Variants in TRERF1 observed in about 807,000 individuals in gnomAD.
TRERF1 encodes the protein transcriptional regulating factor 1, also known as transcriptional-regulating factor 1.
TRERF1 carries 27 observed loss-of-function variants against 122.9 expected under a neutral mutation model. The observed-to-expected ratio is 0.22, with a 90% CI of 0.16 to 0.30. The LOEUF (loss-of-function observed/expected upper bound fraction) is 0.30. Ranked by LOEUF, TRERF1 falls within the 10% of genes least tolerant of loss-of-function variation. TRERF1 has a pLI of 1.00. For synonymous variants in TRERF1, 636 were observed against 641.7 expected, an observed-to-expected ratio of 0.99 and a Z score of 0.13; for missense variants, 1,248 against 1,560.3, an observed-to-expected ratio of 0.80 and a Z score of 3.37.
intron 2 of TRERF1, among the ~76,000 whole-genome samples, chr6:42,377,157 T>A (rs567980552): frequency 6.6e-6 from 1 of 152,352 alleles, no homozygotes; most frequent in African/African-American, 2.4e-5. Context: ...TGAGCCACTG[T>A]GCCAGGCCTA....
chr6:42,294,471 C>T (rs946805101), intron 4 of TRERF1, among the ~76,000 whole-genome samples: 15 of 152,132 alleles, frequency 9.9e-5, no homozygotes, highest in African/African-American at 2.7e-4. Flanking sequence ...TGAGCCACCG[C>T]GCCCGGCCTT....
chr6:42,236,208 C>T (rs1314130091), exon 16 of TRERF1: 1 of 1,578,386 alleles, frequency 6.3e-7, no homozygotes, highest in African/African-American at 1.4e-5. Flanking sequence ...CACTTACAGC[C>T]CCACAGTTGG....
chr6:42,251,239 GC>G (rs1775751187), intron 13 of TRERF1, among the ~76,000 whole-genome samples: 1 of 151,948 alleles, frequency 6.6e-6, no homozygotes, highest in African/African-American at 2.4e-5. Context: ...TAAGCGATCT[GC>G]CCGCCTTGGC....
At chr6:42,389,842 C>T (rs982513885) in intron 2 of TRERF1, among the ~76,000 whole-genome samples, 2 of 152,236 alleles carry the variant, frequency 1.3e-5, no homozygotes, top group Non-Finnish European at 2.9e-5. Flanking sequence ...GAGTGCCTAT[C>T]AGAAGCTTCA....
intron 4 of TRERF1, among the ~76,000 whole-genome samples, chr6:42,272,251 G>C (rs573528527): frequency 4.7e-4 from 72 of 152,326 alleles, no homozygotes; most frequent in African/African-American, 1.6e-3. Flanking sequence ...CTGGGAGTGA[G>C]CTGAGTTGGT....
At chr6:42,318,828 T>C (rs1043254555) in intron 3 of TRERF1, among the ~76,000 whole-genome samples, 2 of 152,238 alleles carry the variant, frequency 1.3e-5, no homozygotes, top group Non-Finnish European at 2.9e-5. Context: ...GATTCCTGTA[T>C]TGGGAGGCCA....
chr6:42,309,231 T>C (rs1787814774), intron 3 of TRERF1, among the ~76,000 whole-genome samples: 1 of 152,228 alleles, frequency 6.6e-6, no homozygotes. Flanking sequence ...ATTTACCTAC[T>C]GAGTGCCAAG....
chr6:42,369,128 T>A (rs558908383), intron 2 of TRERF1, among the ~76,000 whole-genome samples: 2 of 152,216 alleles, frequency 1.3e-5, no homozygotes, highest in South Asian at 2.1e-4. Context: ...GAACTGCTTA[T>A]CTGCAGATAA....
chr6:42,373,938 T>G (rs1252933133), intron 2 of TRERF1, among the ~76,000 whole-genome samples: 2 of 150,070 alleles, frequency 1.3e-5, no homozygotes, highest in Admixed American at 1.3e-4. Flanking sequence ...ATTGAGACCA[T>G]CCTGGCCGAC....
chr6:42,274,934 C>T (rs371370362), intron 4 of TRERF1, among the ~76,000 whole-genome samples: 9 of 152,114 alleles, frequency 5.9e-5, no homozygotes, highest in African/African-American at 2.2e-4. Flanking sequence ...AAAATACGGG[C>T]GTGAAAAGTC....
At chr6:42,368,622 C>T (rs925060348) in intron 2 of TRERF1, among the ~76,000 whole-genome samples, 3 of 152,142 alleles carry the variant, frequency 2.0e-5, no homozygotes, top group African/African-American at 7.2e-5. Flanking sequence ...AATGTTTCAG[C>T]GTCTTCTTTA....
Position 42,269,902 on chromosome 6 carries a change from G to T in TRERF1, c.-258-54C>A. ...AGGATTTATTTGGATGTTTTGTGAT[G>T]AGCAATTGATATCCACCATGACCAG... On this transcript the variant is annotated intron_variant, in intron 4 of 17. Coordinates refer to ENST00000372922, the Ensembl canonical transcript of TRERF1. This position sits in a 1 kb window ranked among gnomAD's most constrained non-coding sequence, Gnocchi z 4.9. The T allele has an allele frequency of 2.7e-6, 1 of 372,266 alleles. No homozygotes were observed. Among genetic ancestry groups the T allele is most frequent in the Non-Finnish European group, 4.6e-6 (1 of 217,274 alleles). The allele number at this position is 372,266 out of a possible 1,614,324, so 23.1% of individuals were successfully genotyped here.
At chr6:42,365,687 C>A (rs374642565) in intron 2 of TRERF1, among the ~76,000 whole-genome samples, 1 of 152,156 alleles carries the variant, frequency 6.6e-6, no homozygotes, top group East Asian at 1.9e-4. Context: ...TAGCAAGTGG[C>A]AGAGCTAAGA....
chr6:42,259,614 G>T lies in TRERF1; in HGVS notation c.1994C>A (p.Pro665Gln). 6.2e-7 allele frequency: 1 copy of T among 1,613,788 alleles called. No homozygotes were observed. The highest frequency in any genetic ancestry group is 8.5e-7 in the Non-Finnish European group (1 of 1,179,950). The change falls in exon 9 of 18, where the codon CCG becomes CAG. Residue 665 changes from proline to glutamine, a missense_variant. By Grantham distance (76) the Pro-to-Gln change is moderately conservative. Around this residue, in one of 5 missense-constraint regions of TRERF1, gnomAD observed 946 missense variants for 1,073.0 expected, o/e 0.88. Coordinates refer to ENST00000372922, the Ensembl canonical transcript of TRERF1. The surrounding 1 kb of genome is among the most constrained non-coding windows in gnomAD (Gnocchi z 4.9). ...GGGGTTCGGGTTGTAGGAGGGCGGC[G>T]GCGGGATGAAGAGAGGTTCCGGCCG...
rs551820525 is a variant in TRERF1, at chr6:42,424,571, A to C, written c.-454+26606T>G. 3.9e-5 allele frequency among the ~76,000 whole-genome samples: 6 copies of C among 152,372 alleles called. No homozygotes were observed. The South Asian group carries it at 1.2e-3, about 32-fold the overall frequency. On this transcript the variant is annotated intron_variant, in intron 2 of 17. Transcript: ENST00000372922. ...ACTTCAGTCCCAAGAATTTTGGATA[A>C]GGGATCCTCAATCTGTACTACCCAA...
At chr6:42,374,880 G>T (rs9471850) in intron 2 of TRERF1, among the ~76,000 whole-genome samples, 1 of 151,722 alleles carries the variant, frequency 6.6e-6, no homozygotes, top group Non-Finnish European at 1.5e-5. Flanking sequence ...GTGTGGTGGC[G>T]TGCACCTGTG....
intron 5 of TRERF1, among the ~76,000 whole-genome samples, chr6:42,266,937 T>A (rs1235044079): frequency 1.3e-5 from 2 of 152,216 alleles, no homozygotes; most frequent in African/African-American, 4.8e-5. Context: ...CAGACAGTTT[T>A]GCTTATTTAC....
At chr6:42,424,783 C>A (rs753660623) in intron 2 of TRERF1, among the ~76,000 whole-genome samples, 21 of 152,310 alleles carry the variant, frequency 1.4e-4, no homozygotes, top group Non-Finnish European at 2.1e-4. Flanking sequence ...AGTGTCTCAT[C>A]ATAAAAAGAG....
chr6:42,402,366 T>G (rs1262192161), intron 2 of TRERF1, among the ~76,000 whole-genome samples: 1 of 152,166 alleles, frequency 6.6e-6, no homozygotes, highest in Non-Finnish European at 1.5e-5. Context: ...GTACCGCTAA[T>G]GTAATAAGCT....
Sources: gnomAD v4.1 joint callset for allele counts (sites outside exome capture counted in the v4.1 genomes callset) on GRCh38, gnomAD v4.1.1 for gene constraint, gnomAD v4.1.1 regional missense constraint, Gnocchi (gnomAD v3.1) non-coding constraint, MANE v1.5 for transcripts, NCBI Gene and HGNC (gene_info 2026-07-23, HGNC 2026-07-21) for gene names.